The following LRRC4C variants were observed in gnomAD, a reference collection of about 807,000 sequenced individuals.
The protein encoded by LRRC4C is leucine rich repeat containing 4C.
Under a neutral mutation model 33.6 loss-of-function variants are expected in LRRC4C, and 5 were observed. That is an observed-to-expected ratio of 0.15 (90% CI 0.08 to 0.31). LRRC4C has a LOEUF of 0.31. LRRC4C is among the 10% of genes least tolerant of loss of function. LRRC4C has a pLI of 1.00. For missense variants in LRRC4C, 560 were observed against 796.7 expected, an observed-to-expected ratio of 0.70 and a Z score of 3.58; for synonymous variants, 329 against 302.0, an observed-to-expected ratio of 1.09 and a Z score of -0.93.
chr11:41,156,172 G>A (rs1464312135), intron 1 of LRRC4C, among the ~76,000 whole-genome samples: 1 of 152,074 alleles, frequency 6.6e-6, no homozygotes, highest in African/African-American at 2.4e-5. Flanking sequence ...GCACACAAGT[G>A]TCTGCCCCAG....
chr11:41,029,199 A>C (rs977350586), intron 1 of LRRC4C, among the ~76,000 whole-genome samples: 5 of 151,780 alleles, frequency 3.3e-5, no homozygotes, highest in African/African-American at 1.2e-4. Context: ...CAGGTTTTAC[A>C]TGTAGTAGCA....
chr11:40,162,915 C>T (rs1419979601), intron 5 of LRRC4C, among the ~76,000 whole-genome samples: 1 of 152,166 alleles, frequency 6.6e-6, no homozygotes, highest in Non-Finnish European at 1.5e-5. Flanking sequence ...AACTCTCAGC[C>T]TTTCTGGATG....
chr11:41,005,831 C>G (rs2137450159), intron 1 of LRRC4C, among the ~76,000 whole-genome samples: 1 of 152,206 alleles, frequency 6.6e-6, no homozygotes, highest in South Asian at 2.1e-4. Context: ...CTCAAGTATT[C>G]CTTTATGGCA....
chr11:40,428,631 G>A (rs1950802954), intron 3 of LRRC4C, among the ~76,000 whole-genome samples: 1 of 152,114 alleles, frequency 6.6e-6, no homozygotes, highest in Admixed American at 6.6e-5. Flanking sequence ...AGCAACATGA[G>A]CAGAAAACTC....
chr11:41,433,787 A>G (rs1198263004), intron 1 of LRRC4C, among the ~76,000 whole-genome samples: 3 of 151,576 alleles, frequency 2.0e-5, no homozygotes, highest in African/African-American at 2.4e-5. Context: ...ACTTATTAAT[A>G]AACTCCCATA....
intron 3 of LRRC4C, among the ~76,000 whole-genome samples, chr11:40,523,185 C>T (rs889679190): frequency 4.6e-5 from 7 of 152,200 alleles, no homozygotes; most frequent in Non-Finnish European, 8.8e-5. Context: ...TCAAATTTCT[C>T]GACATCCTCA....
chr11:41,414,677 A>T (rs1954613305), intron 1 of LRRC4C, among the ~76,000 whole-genome samples: 1 of 152,110 alleles, frequency 6.6e-6, no homozygotes, highest in South Asian at 2.1e-4. Context: ...TCAACACTTA[A>T]AAAGATAAAA....
chr11:40,908,580 GA>G (rs1387489470), intron 2 of LRRC4C, among the ~76,000 whole-genome samples: 2 of 152,050 alleles, frequency 1.3e-5, no homozygotes, highest in South Asian at 2.1e-4. Context: ...GGTTCATTTG[GA>G]AAAAATATTA....
At chr11:40,740,959 C>T (rs1035129991) in intron 2 of LRRC4C, among the ~76,000 whole-genome samples, 1 of 151,956 alleles carries the variant, frequency 6.6e-6, no homozygotes, top group South Asian at 2.1e-4. Flanking sequence ...TTGGGGCTTT[C>T]TATTTTGTTC....
At chr11:40,349,191 A>G (rs572747265) in intron 3 of LRRC4C, among the ~76,000 whole-genome samples, 3 of 152,218 alleles carry the variant, frequency 2.0e-5, no homozygotes, top group Admixed American at 6.5e-5. Context: ...TTAATCCATT[A>G]ATCATCCCCA....
intron 3 of LRRC4C, among the ~76,000 whole-genome samples, chr11:40,361,355 G>C (rs1040484872): frequency 1.3e-5 from 2 of 152,104 alleles, no homozygotes; most frequent in African/African-American, 4.8e-5. Context: ...TAAACAACTT[G>C]AACAGTGTCT....
intron 2 of LRRC4C, among the ~76,000 whole-genome samples, chr11:40,768,961 A>G (rs2137146951): frequency 6.6e-6 from 1 of 152,234 alleles, no homozygotes; most frequent in Non-Finnish European, 1.5e-5. Flanking sequence ...TGTAATTCAC[A>G]TAGTACTATT....
chr11:40,143,530 T>C (rs192125809), intron 5 of LRRC4C, among the ~76,000 whole-genome samples: 14 of 152,284 alleles, frequency 9.2e-5, no homozygotes, highest in Admixed American at 8.5e-4. Flanking sequence ...CACATGCTGT[T>C]CCTCTGCCTG....
At chr11:40,853,629 C>T (rs183126277) in intron 2 of LRRC4C, among the ~76,000 whole-genome samples, 8 of 152,158 alleles carry the variant, frequency 5.3e-5, no homozygotes, top group Admixed American at 1.3e-4. Flanking sequence ...TTCTAAACTA[C>T]GAACACCCAT....
chr11:40,815,567 T>G (rs1012688803), intron 2 of LRRC4C, among the ~76,000 whole-genome samples: 1 of 152,190 alleles, frequency 6.6e-6, no homozygotes, highest in African/African-American at 2.4e-5. Flanking sequence ...GGAAGTCACC[T>G]TATTCTACCA....
At position 41,423,427 on chromosome 11, in the gene LRRC4C, G is replaced by C. The variant is rs1398479575; in HGVS notation, c.-496+36004C>G. 2.0e-5 allele frequency among the ~76,000 whole-genome samples: 3 copies of C among 152,154 alleles called. No homozygotes were observed. The East Asian group carries it at 5.8e-4, about 30-fold the overall frequency. ...CCTTCAAACAAAACCATATCTAAAA[G>C]TATTGAAGCAGATAAAAGAAGACTT... On this transcript the variant is annotated intron_variant, in intron 1 of 6. Coordinates refer to ENST00000528697, the MANE Select transcript of LRRC4C (RefSeq NM_001258419.2).
rs140961374 is a variant in LRRC4C, at chr11:40,971,289, C to A, written c.-495-37566G>T. Reference sequence around the variant, plus strand: ...GGTCCAGGCCCAGGGCCTCTCTGCCCTGCACATCCTCAGGACCCTGGTCCC... The same window carrying A: ...GGTCCAGGCCCAGGGCCTCTCTGCCATGCACATCCTCAGGACCCTGGTCCC... On this transcript the variant is annotated intron_variant, in intron 1 of 6. Coordinates refer to ENST00000528697, the MANE Select transcript of LRRC4C (RefSeq NM_001258419.2). Among the ~76,000 whole-genome samples the A allele has an allele frequency of 2.7e-3, 416 of 152,302 alleles. 4 individuals are homozygous for A. The highest frequency in any genetic ancestry group is 5.1e-3 in the Non-Finnish European group (347 of 68,032).
At chr11:40,842,655 C>A (rs1952963890) in intron 2 of LRRC4C, among the ~76,000 whole-genome samples, 1 of 152,060 alleles carries the variant, frequency 6.6e-6, no homozygotes. Context: ...TTTTATCTAA[C>A]TGAAATTTTG....
Position 40,114,726 on chromosome 11 carries a change from T to A in LRRC4C, c.1567A>T (p.Met523Leu), listed in dbSNP as rs1855288968. 6.2e-7 allele frequency: 1 copy of A among 1,614,088 alleles called. No individual in the cohort carries two copies. ...NSGIPGIDEV[M>L]KTTKIIIGCF... ...CCAATGATGATTTTGGTAGTCTTCA[T>A]GACCTCATCAATTCCTGGGATCCCA... is the stretch of plus-strand genomic sequence containing the variant. Residue 523 changes from methionine (M) to leucine (L), a missense_variant, in exon 7 of 7, where the codon ATG becomes TTG. Around this residue, in one of 3 missense-constraint regions of LRRC4C, gnomAD observed 2 missense variants for 20.8 expected, o/e 0.10. Coordinates refer to ENST00000528697, the MANE Select transcript of LRRC4C (RefSeq NM_001258419.2).
Sources: allele counts gnomAD v4.1 joint callset (sites outside exome capture counted in the v4.1 genomes callset), GRCh38; gene constraint gnomAD v4.1.1; regional missense constraint gnomAD v4.1.1; transcripts MANE v1.5; gene names NCBI Gene and HGNC (gene_info 2026-07-23, HGNC 2026-07-21).